AMD1: variants seen among roughly 807,000 people sequenced by gnomAD.
AMD1 encodes S-adenosylmethionine decarboxylase proenzyme.
In AMD1, 11 loss-of-function variants were observed where a neutral mutation model predicts 40.2. That is an observed-to-expected ratio of 0.27 (90% CI 0.17 to 0.45). The LOEUF (loss-of-function observed/expected upper bound fraction) is 0.45. Among genes scored for constraint, AMD1 ranks in the 20% least tolerant of loss-of-function variants. The pLI is 1.00. For missense variants in AMD1, 257 were observed against 410.2 expected, an observed-to-expected ratio of 0.63 and a Z score of 3.23; for synonymous variants, 121 against 130.8, an observed-to-expected ratio of 0.93 and a Z score of 0.51.
At chr6:110,836,012 C>CAAAA in the AMD1 span, among the ~76,000 whole-genome samples, 58 of 60,636 alleles carry the variant, frequency 9.6e-4, no homozygotes, top group South Asian at 1.9e-3. Context: ...GACCTTGACT[C>CAAAA]AAAAAAAAAA....
At chr6:110,832,443 A>G in the AMD1 span, among the ~76,000 whole-genome samples, 3 of 152,050 alleles carry the variant, frequency 2.0e-5, no homozygotes, top group Admixed American at 6.6e-5. Context: ...GAGCCACCAC[A>G]CCTGGCCTAC....
At chr6:110,847,386 A>G in the AMD1 span, among the ~76,000 whole-genome samples, 5 of 150,880 alleles carry the variant, frequency 3.3e-5, no homozygotes, top group Admixed American at 6.6e-5. Context: ...TTAGCCGGGC[A>G]TGGTGGTGGG....
At position 110,888,993 on chromosome 6, in the gene AMD1, C is replaced by G. The variant is rs763691495; in HGVS notation, c.324+10C>G. ...GTTTGACTCAATTCAAGTAAGTAAG[C>G]AAACATTTAAATATTTTTCAGGCAT... On this transcript the variant is annotated intron_variant, in intron 3 of 8. Transcript: ENST00000368885. 14 of 1,609,118 alleles carry G rather than the reference C, an allele frequency of 8.7e-6. No homozygotes were observed. The South Asian group carries it at 1.6e-4, about 18-fold the overall frequency.
At chr6:110,880,746 C>T (rs1785362809) in intron 1 of AMD1, among the ~76,000 whole-genome samples, 1 of 152,118 alleles carries the variant, frequency 6.6e-6, no homozygotes. Flanking sequence ...ATTTTTGGTG[C>T]ACTGTAGCCT....
At chr6:110,823,763 C>T in the AMD1 span, among the ~76,000 whole-genome samples, 1 of 152,258 alleles carries the variant, frequency 6.6e-6, no homozygotes, top group East Asian at 1.9e-4. Flanking sequence ...AACTCAATCC[C>T]TTTTACAATA....
the AMD1 span, among the ~76,000 whole-genome samples, chr6:110,843,386 C>A: frequency 6.7e-6 from 1 of 150,040 alleles, no homozygotes; most frequent in Non-Finnish European, 1.5e-5. Context: ...ATCGCTAGAA[C>A]CGAGGAGGCA....
intron 1 of AMD1, among the ~76,000 whole-genome samples, chr6:110,886,596 C>T (rs1785701216): frequency 1.3e-5 from 2 of 152,120 alleles, no homozygotes; most frequent in South Asian, 2.1e-4. Flanking sequence ...TGAACCACCA[C>T]GCCTGGCCTA....
At chr6:110,885,993 G>T (rs1448338070) in intron 1 of AMD1, among the ~76,000 whole-genome samples, 1 of 152,208 alleles carries the variant, frequency 6.6e-6, no homozygotes, top group Non-Finnish European at 1.5e-5. Context: ...GGTGGCTCAT[G>T]CCTGTAATCC....
At chr6:110,814,872 T>C in the AMD1 span, 1 of 1,152,948 alleles carries the variant, frequency 8.7e-7, no homozygotes, top group East Asian at 2.8e-5. Context: ...TCGGAGTCGG[T>C]GTCCGGACGC....
chr6:110,845,110 G>C, the AMD1 span, among the ~76,000 whole-genome samples: 1 of 137,444 alleles, frequency 7.3e-6, no homozygotes, highest in South Asian at 2.6e-4. Flanking sequence ...CATGATCTCA[G>C]CTCACTGCAA....
chr6:110,869,076 T>C, the AMD1 span, among the ~76,000 whole-genome samples: 8 of 151,956 alleles, frequency 5.3e-5, no homozygotes, highest in Admixed American at 1.3e-4. Flanking sequence ...AAAAAAAAAT[T>C]TAATGTAATT....
chr6:110,843,798 T>C, the AMD1 span, among the ~76,000 whole-genome samples: 4 of 152,008 alleles, frequency 2.6e-5, no homozygotes, highest in African/African-American at 9.7e-5. Flanking sequence ...CATGTTGCCA[T>C]GCTGGTCTCA....
chr6:110,847,601 C>T, the AMD1 span, among the ~76,000 whole-genome samples: 1 of 152,018 alleles, frequency 6.6e-6, no homozygotes, highest in East Asian at 1.9e-4. Flanking sequence ...TGAATAAGGT[C>T]CACCCAGATA....
chr6:110,856,718 G>T, the AMD1 span, among the ~76,000 whole-genome samples: 3 of 152,166 alleles, frequency 2.0e-5, no homozygotes, highest in Non-Finnish European at 1.5e-5. Flanking sequence ...AGGCTGAAAT[G>T]GACTTTCTAA....
the AMD1 span, chr6:110,858,296 A>T: frequency 1.1e-6 from 1 of 910,192 alleles, no homozygotes; most frequent in South Asian, 1.4e-5. Flanking sequence ...CGAGATCAAG[A>T]ACCGGCTCCT....
chr6:110,825,343 G>C, the AMD1 span, among the ~76,000 whole-genome samples: 5 of 152,178 alleles, frequency 3.3e-5, no homozygotes, highest in Admixed American at 3.3e-4. Flanking sequence ...AATCAAAGCT[G>C]TGGATAAGAG....
the AMD1 span, among the ~76,000 whole-genome samples, chr6:110,830,246 C>T: frequency 6.6e-6 from 1 of 152,034 alleles, no homozygotes; most frequent in Non-Finnish European, 1.5e-5. Context: ...TGTGGCCTGA[C>T]CTCATGATCC....
the AMD1 span, among the ~76,000 whole-genome samples, chr6:110,823,993 A>G: frequency 1.4e-4 from 21 of 152,202 alleles, no homozygotes; most frequent in African/African-American, 4.6e-4. Flanking sequence ...TACAACCTCT[A>G]TGGAAAACAG....
At chr6:110,844,627 A>G in the AMD1 span, among the ~76,000 whole-genome samples, 26 of 151,810 alleles carry the variant, frequency 1.7e-4, 2 homozygotes, top group South Asian at 4.4e-3. Context: ...TAAAAACACA[A>G]AAAATTAGCC....
Sources: allele counts gnomAD v4.1 joint callset (sites outside exome capture counted in the v4.1 genomes callset), GRCh38; gene constraint gnomAD v4.1.1; transcripts MANE v1.5; gene names NCBI Gene and HGNC (gene_info 2026-07-23, HGNC 2026-07-21).